DACH1: variants seen among roughly 807,000 people sequenced by gnomAD.
The protein encoded by DACH1 is dachshund family transcription factor 1.
In DACH1, 12 loss-of-function variants were observed where a neutral mutation model predicts 54.2. The observed-to-expected ratio is 0.22, with a 90% CI of 0.14 to 0.36. The LOEUF (loss-of-function observed/expected upper bound fraction) is 0.36. Among genes scored for constraint, DACH1 ranks in the 10% least tolerant of loss-of-function variants. DACH1 has a pLI of 1.00. For missense variants in DACH1, 805 were observed against 929.8 expected, an observed-to-expected ratio of 0.87 and a Z score of 1.75; for synonymous variants, 386 against 366.2, an observed-to-expected ratio of 1.05 and a Z score of -0.62.
chr13:71,612,961 T>A (rs1207084142), intron 3 of DACH1, among the ~76,000 whole-genome samples: 1 of 152,224 alleles, frequency 6.6e-6, no homozygotes, highest in East Asian at 1.9e-4. Context: ...CCAGTCAATG[T>A]GGCCAGGCCT....
At chr13:71,839,904 T>G (rs1172004322) in intron 1 of DACH1, among the ~76,000 whole-genome samples, 1 of 152,138 alleles carries the variant, frequency 6.6e-6, no homozygotes, top group African/African-American at 2.4e-5. Context: ...ACTTTTTCTT[T>G]TATGTTTTCC....
intron 1 of DACH1, among the ~76,000 whole-genome samples, chr13:71,767,206 C>T (rs1487868192): frequency 6.6e-6 from 1 of 151,778 alleles, no homozygotes; most frequent in Non-Finnish European, 1.5e-5. Context: ...ATTTAAGTTT[C>T]TACTATTATT....
At chr13:71,855,525 T>C (rs975921825) in intron 1 of DACH1, among the ~76,000 whole-genome samples, 1 of 152,008 alleles carries the variant, frequency 6.6e-6, no homozygotes, top group East Asian at 1.9e-4. Context: ...AGTACAGAAA[T>C]GAAGCAAACT....
chr13:71,669,863 T>A (rs1379998413), intron 2 of DACH1, among the ~76,000 whole-genome samples: 1 of 152,162 alleles, frequency 6.6e-6, no homozygotes. Context: ...TGTTACTCAA[T>A]GTCACACAGC....
At position 71,748,878 on chromosome 13, in the gene DACH1, CTT is replaced by C. The variant is rs1210357342; in HGVS notation, c.849-66970_849-66969del. Among the ~76,000 whole-genome samples the C allele has an allele frequency of 9.9e-3, 193 of 19,536 alleles. 1 individual carries two copies. The highest frequency in any genetic ancestry group is 0.017 in the Non-Finnish European group (38 of 2,222). 12.8% of individuals were successfully genotyped at this position (19,536 alleles called of 152,430 possible). On this transcript the variant is annotated intron_variant, in intron 1 of 10. Coordinates refer to ENST00000613252, the MANE Select transcript of DACH1 (RefSeq NM_080759.6). ...TCTTTCTTTCTTTCTTTCTTTCTTT[CTT>C]TCTTTCTTTCTTTCTTTCTCTTTCT... is the stretch of plus-strand genomic sequence containing the variant.
intron 3 of DACH1, among the ~76,000 whole-genome samples, chr13:71,577,908 C>T (rs1885633610): frequency 1.3e-5 from 2 of 152,110 alleles, no homozygotes. Context: ...AATAATTATA[C>T]ATATTCATGT....
intron 1 of DACH1, among the ~76,000 whole-genome samples, chr13:71,712,482 A>G (rs923310864): frequency 3.3e-5 from 5 of 152,118 alleles, no homozygotes; most frequent in Non-Finnish European, 7.4e-5. Flanking sequence ...AATAAACTAC[A>G]TTGCATTGAC....
At chr13:71,658,054 A>G (rs1159716511) in intron 2 of DACH1, among the ~76,000 whole-genome samples, 1 of 152,228 alleles carries the variant, frequency 6.6e-6, no homozygotes, top group Non-Finnish European at 1.5e-5. Context: ...CTCAAAATAA[A>G]TCTTTCTGAA....
Position 71,866,836 on chromosome 13 carries a change from G to C in DACH1, c.-67C>G. 8.3e-7 allele frequency: 1 copy of C among 1,208,584 alleles called. No homozygotes were observed. The highest frequency in any genetic ancestry group is 3.7e-5 in the East Asian group (1 of 27,242). 74.9% of individuals were successfully genotyped at this position (1,208,584 alleles called of 1,614,324 possible). On this transcript the variant is annotated 5_prime_UTR_variant, in exon 1 of 11. Transcript: ENST00000613252. ...AAAAGTTGCCACACACCCCCGGGAG[G>C]GGAAGGGGAAAAAAGGGGGGAGAAG... is the stretch of plus-strand genomic sequence containing the variant.
At chr13:71,574,659 T>C (rs1444626221) in intron 3 of DACH1, among the ~76,000 whole-genome samples, 1 of 151,990 alleles carries the variant, frequency 6.6e-6, no homozygotes, top group Non-Finnish European at 1.5e-5. Flanking sequence ...TGTTCAGAAG[T>C]GGGTAATGAA....
intron 1 of DACH1, 65 bp downstream of exon 1, chr13:71,865,857 C>A (rs941661138): frequency 1.5e-5 from 22 of 1,438,024 alleles, no homozygotes; most frequent in South Asian, 3.0e-5. Flanking sequence ...GGGAAAGGAG[C>A]GAGGGCAGGC....
chr13:71,829,084 T>C (rs2138201839), intron 1 of DACH1, among the ~76,000 whole-genome samples: 1 of 152,106 alleles, frequency 6.6e-6, no homozygotes, highest in South Asian at 2.1e-4. Context: ...CTTCAAAAAC[T>C]TAAATATTTT....
chr13:71,687,341 T>C (rs895708202), intron 1 of DACH1, among the ~76,000 whole-genome samples: 4 of 152,168 alleles, frequency 2.6e-5, no homozygotes, highest in African/African-American at 9.6e-5. Flanking sequence ...AAGAGTCATG[T>C]TTATAAGTTT....
At chr13:71,856,227 T>C (rs1486000500) in intron 1 of DACH1, among the ~76,000 whole-genome samples, 3 of 151,974 alleles carry the variant, frequency 2.0e-5, no homozygotes, top group Non-Finnish European at 2.9e-5. Context: ...GGGTAACTTG[T>C]ATAAATGTAA....
At chr13:71,517,627 A>G (rs1394935723) in intron 6 of DACH1, among the ~76,000 whole-genome samples, 1 of 151,920 alleles carries the variant, frequency 6.6e-6, no homozygotes, top group Non-Finnish European at 1.5e-5. Flanking sequence ...TTAAGGAAAT[A>G]AGTAGTCCAA....
chr13:71,764,243 C>G (rs1885524207), intron 1 of DACH1, among the ~76,000 whole-genome samples: 1 of 152,004 alleles, frequency 6.6e-6, no homozygotes, highest in Admixed American at 6.6e-5. Context: ...CAAAGAAATA[C>G]AGTACAGTTA....
intron 6 of DACH1, among the ~76,000 whole-genome samples, chr13:71,530,631 C>T (rs989144326): frequency 3.3e-5 from 5 of 151,984 alleles, no homozygotes; most frequent in Admixed American, 6.6e-5. Flanking sequence ...CATCTCATTT[C>T]TCTTGGTAAT....
intron 1 of DACH1, among the ~76,000 whole-genome samples, chr13:71,808,040 A>G (rs1254929617): frequency 6.6e-6 from 1 of 152,158 alleles, no homozygotes; most frequent in African/African-American, 2.4e-5. Flanking sequence ...ATCCTTACAC[A>G]TAAGATTCTT....
chr13:71,488,578 A>G (rs1179671241), intron 7 of DACH1, among the ~76,000 whole-genome samples: 3 of 152,054 alleles, frequency 2.0e-5, no homozygotes, highest in Admixed American at 2.0e-4. Context: ...CATATTTTAA[A>G]TGACTAAACA....
Sources: allele counts gnomAD v4.1 joint callset (sites outside exome capture counted in the v4.1 genomes callset), GRCh38; gene constraint gnomAD v4.1.1; transcripts MANE v1.5; gene names NCBI Gene and HGNC (gene_info 2026-07-23, HGNC 2026-07-21).